Variants in ACSS2 observed in about 807,000 individuals in gnomAD.
ACSS2 encodes the protein acetyl-coenzyme A synthetase, cytoplasmic.
ACSS2 carries 58 observed loss-of-function variants against 90.6 expected under a neutral mutation model. That is an observed-to-expected ratio of 0.64 (90% confidence interval 0.52 to 0.80). The LOEUF (loss-of-function observed/expected upper bound fraction) is 0.80. Among genes scored for constraint, ACSS2 ranks in the 30% least tolerant of loss-of-function variants. The pLI is 0.00. For missense variants in ACSS2, 759 were observed against 912.0 expected, an observed-to-expected ratio of 0.83 and a Z score of 2.16; for synonymous variants, 300 against 330.9, an observed-to-expected ratio of 0.91 and a Z score of 1.01.
At chr20:34,921,650 T>TG (rs1362193582) in intron 12 of ACSS2, 50 bp downstream of exon 12, 1 of 1,613,798 alleles carries the variant, frequency 6.2e-7, no homozygotes, top group Non-Finnish European at 8.5e-7. Flanking sequence ...GATGGTGTCT[T>TG]GGGGCACTTG....
chr20:34,902,086 C>A (rs532974568), intron 2 of ACSS2, among the ~76,000 whole-genome samples: 3 of 123,160 alleles, frequency 2.4e-5, no homozygotes, highest in African/African-American at 8.4e-5. Context: ...TATAGTTATA[C>A]TACATTAGTC....
chr20:34,877,965 G>T (rs1483326536), intron 1 of ACSS2, among the ~76,000 whole-genome samples: 1 of 123,768 alleles, frequency 8.1e-6, no homozygotes, highest in Non-Finnish European at 1.8e-5. Context: ...ACAAGGTGTT[G>T]CTCTGTCACC....
At chr20:34,905,807 G>A (rs2080784901) in intron 2 of ACSS2, among the ~76,000 whole-genome samples, 1 of 152,182 alleles carries the variant, frequency 6.6e-6, no homozygotes, top group African/African-American at 2.4e-5. Context: ...AAGTGGAAAG[G>A]GAACTATTTC....
intron 2 of ACSS2, among the ~76,000 whole-genome samples, chr20:34,891,776 C>A (rs564718000): frequency 1.3e-5 from 2 of 152,246 alleles, no homozygotes; most frequent in South Asian, 4.1e-4. Context: ...AGTTTTATGA[C>A]CCTTGACACT....
chr20:34,916,083 C>T (rs1162794204), intron 7 of ACSS2, among the ~76,000 whole-genome samples: 1 of 152,234 alleles, frequency 6.6e-6, no homozygotes, highest in Admixed American at 6.5e-5. Flanking sequence ...TATGATTAAC[C>T]TCTTAGGCCA....
intron 2 of ACSS2, among the ~76,000 whole-genome samples, chr20:34,894,523 G>T (rs1235655308): frequency 6.6e-6 from 1 of 151,778 alleles, no homozygotes; most frequent in Non-Finnish European, 1.5e-5. Flanking sequence ...AAATTAGCTG[G>T]GTATGGTCAT....
At chr20:34,886,525 G>A (rs1379036769) in intron 2 of ACSS2, among the ~76,000 whole-genome samples, 3 of 152,280 alleles carry the variant, frequency 2.0e-5, no homozygotes, top group African/African-American at 7.2e-5. Context: ...TTGGGAGGCT[G>A]AGGCAGAAGA....
At chr20:34,922,719 G>A (rs1410495759) in intron 13 of ACSS2, 3 of 153,098 alleles carry the variant, frequency 2.0e-5, no homozygotes, top group Non-Finnish European at 4.4e-5. Context: ...ATTAGCTGTT[G>A]TGATTATTGT....
chr20:34,900,608 T>G (rs1320234725), intron 2 of ACSS2, among the ~76,000 whole-genome samples: 1 of 152,190 alleles, frequency 6.6e-6, no homozygotes, highest in Non-Finnish European at 1.5e-5. Flanking sequence ...AGTTTTGAGT[T>G]GGTGAAAAGC....
Position 34,879,193 on chromosome 20 carries a change from C to T in ACSS2, c.178+2370C>T, listed in dbSNP as rs545420525. ...TGCTGGGATTACAGGCGTGAGCCAC[C>T]GCGCCCGGCCTCTGCTTTTCTTTTA... On this transcript the variant is annotated intron_variant, in intron 1 of 17. Transcript: ENST00000360596. Among the ~76,000 whole-genome samples the T allele has an allele frequency of 6.6e-5, 10 of 152,024 alleles. No individual in the cohort carries two copies. In the East Asian group the frequency reaches 1.5e-3, roughly 24 times the overall value.
At chr20:34,926,329 C>A in intron 16 of ACSS2, 48 bp downstream of exon 16, 1 of 1,577,920 alleles carries the variant, frequency 6.3e-7, no homozygotes, top group South Asian at 1.1e-5. Flanking sequence ...CTTGGAGGCC[C>A]AGTTATCACT....
rs11905770 is a variant in ACSS2 at position 34,913,980 on chromosome 20, G to A, written c.644-116G>A. On this transcript the variant is annotated intron_variant, in intron 5 of 17. Transcript: ENST00000360596. The stretch of plus-strand genomic sequence containing the variant: ...ACCTCAGCTGACCCTCTGTCAGCTC[G>A]AATCAGCTGGAAGAGCCAGAGTTAA... 3.1e-4 allele frequency: 431 copies of A among 1,388,986 alleles called. 1 individual carries two copies. The African/African-American group carries it at 5.1e-3, about 16-fold the overall frequency. The allele number at this position is 1,388,986 out of a possible 1,614,324, so 86.0% of individuals were successfully genotyped here.
chr20:34,911,124 C>T (rs879541118), intron 2 of ACSS2, among the ~76,000 whole-genome samples: 8 of 151,358 alleles, frequency 5.3e-5, no homozygotes, highest in Non-Finnish European at 1.2e-4. Context: ...GCCAAGAGAT[C>T]TTCCCATCTC....
Position 34,914,241 on chromosome 20 carries a change from T to C in ACSS2, c.719+70T>C, listed in dbSNP as rs769401364. The C allele has an allele frequency of 1.4e-4, 228 of 1,604,012 alleles. 9 individuals are homozygous for C. The highest frequency in any genetic ancestry group is 1.2e-3 in the South Asian group (113 of 90,470). On this transcript the variant is annotated intron_variant, in intron 6 of 17. Transcript: ENST00000360596. ...AGTGCCAGGTTCCCTTTGTCCCCTCTACCCTAAATGGACATGGGTGGGTCT... is the reference window on the plus strand; with the variant it reads ...AGTGCCAGGTTCCCTTTGTCCCCTCCACCCTAAATGGACATGGGTGGGTCT...
rs59343003 is a variant in ACSS2, at chr20:34,919,576, A to AGT, written c.972+47_972+48dup. ...TGGCTCCACAGGCAAACCCAAGGCA[A>AGT]GTGTGTGTGTGTGTGTGTGTGTGTG... On this transcript the variant is annotated splice_donor_region_variant and intron_variant, in intron 8 of 17. Transcript: ENST00000360596. 0.04 allele frequency: 59,160 copies of AGT among 1,461,852 alleles called. 287 individuals carry two copies. The highest frequency in any genetic ancestry group is 0.068 in the East Asian group (2,790 of 40,800). The allele number at this position is 1,461,852 out of a possible 1,614,324, so 90.6% of individuals were successfully genotyped here. A position where few individuals can be genotyped will look rare whatever the true frequency, so the allele number is the denominator to read the frequency against.
intron 9 of ACSS2, 51 bp downstream of exon 9, chr20:34,920,760 G>T: frequency 6.4e-7 from 1 of 1,568,846 alleles, no homozygotes; most frequent in Non-Finnish European, 8.7e-7. Context: ...GATTATCCTG[G>T]GTGACTACCT....
chr20:34,907,953 G>T (rs1158376151), intron 2 of ACSS2, among the ~76,000 whole-genome samples: 2 of 152,200 alleles, frequency 1.3e-5, no homozygotes, highest in Non-Finnish European at 2.9e-5. Context: ...TGGCTTCCCT[G>T]CCAGTCCCTG....
rs117370205 is a variant in ACSS2 at position 34,890,800 on chromosome 20, T to G, written c.374+7811T>G. The stretch of plus-strand genomic sequence containing the variant: ...CAATCCTTCTTCAGGAACTGGAGCT[T>G]TTGAGAATAAGGCAACTTTAGGATT... On this transcript the variant is annotated intron_variant, in intron 2 of 17. Transcript: ENST00000360596. Among the ~76,000 whole-genome samples the G allele has an allele frequency of 4.7e-4, 71 of 152,200 alleles. 1 individual carries two copies. In the East Asian group the frequency reaches 0.013, roughly 27 times the overall value.
intron 2 of ACSS2, among the ~76,000 whole-genome samples, chr20:34,896,118 C>A (rs1006751502): frequency 5.3e-5 from 8 of 152,220 alleles, no homozygotes; most frequent in Admixed American, 2.0e-4. Context: ...TGATTCCCCT[C>A]CTGTAAGTAG....
Sources: gnomAD v4.1 joint callset for allele counts (sites outside exome capture counted in the v4.1 genomes callset) on GRCh38, gnomAD v4.1.1 for gene constraint, MANE v1.5 for transcripts, NCBI Gene and HGNC (gene_info 2026-07-23, HGNC 2026-07-21) for gene names.